The following PCDH9 variants were observed in gnomAD, a reference collection of about 807,000 sequenced individuals.
The protein encoded by PCDH9 is protocadherin 9.
A neutral mutation model predicts 70.6 loss-of-function variants in PCDH9; 24 were observed. The ratio of observed to expected loss-of-function variants is 0.34; its 90% CI spans 0.25 to 0.48. The LOEUF (loss-of-function observed/expected upper bound fraction) is 0.48, where lower values mean the gene tolerates loss of function less well. Ranked by LOEUF, PCDH9 falls within the 20% of genes least tolerant of loss-of-function variation. The probability of loss-of-function intolerance (pLI) is 0.99; values close to 1 mark genes in which losing one functional copy is unlikely to be tolerated. For synonymous variants in PCDH9, 562 were observed against 558.5 expected, an observed-to-expected ratio of 1.01 and a Z score of -0.09; for missense variants, 1,281 against 1,503.6, an observed-to-expected ratio of 0.85 and a Z score of 2.45.
intron 3 of PCDH9, among the ~76,000 whole-genome samples, chr13:66,674,379 C>A (rs1011272912): frequency 6.6e-6 from 1 of 151,942 alleles, no homozygotes; most frequent in African/African-American, 2.4e-5. Context: ...ATATTGCTAG[C>A]ATTTATGCAC....
intron 2 of PCDH9, among the ~76,000 whole-genome samples, chr13:66,941,808 T>C: frequency 6.6e-6 from 1 of 151,848 alleles, no homozygotes; most frequent in East Asian, 1.9e-4. Flanking sequence ...TTTAGCAACA[T>C]AATCAACTAA....
chr13:67,132,439 G>A (rs2087130974), intron 2 of PCDH9, among the ~76,000 whole-genome samples: 1 of 152,016 alleles, frequency 6.6e-6, no homozygotes, highest in Non-Finnish European at 1.5e-5. Flanking sequence ...AATTTCTTAG[G>A]TGAGTTCACT....
At chr13:66,689,239 G>A (rs1313624269) in intron 3 of PCDH9, among the ~76,000 whole-genome samples, 1 of 152,074 alleles carries the variant, frequency 6.6e-6, no homozygotes, top group African/African-American at 2.4e-5. Flanking sequence ...CAGCCCTCTA[G>A]TGTTCCAAAA....
intron 4 of PCDH9, among the ~76,000 whole-genome samples, chr13:66,510,507 C>T (rs1959417547): frequency 6.6e-6 from 1 of 152,102 alleles, no homozygotes; most frequent in Non-Finnish European, 1.5e-5. Flanking sequence ...CTATCTGTCC[C>T]TCCTCTCCCC....
chr13:66,608,568 A>G (rs1270707639), intron 4 of PCDH9, among the ~76,000 whole-genome samples: 1 of 151,924 alleles, frequency 6.6e-6, no homozygotes, highest in African/African-American at 2.4e-5. Context: ...CAAACCTCCA[A>G]TTCCCCAAAC....
intron 4 of PCDH9, among the ~76,000 whole-genome samples, chr13:66,600,777 T>C (rs1487937016): frequency 7.0e-6 from 1 of 143,774 alleles, no homozygotes; most frequent in Admixed American, 7.1e-5. Flanking sequence ...TGTGTGTGTG[T>C]GTGTGTGTGT....
chr13:66,898,126 G>C (rs890780663), intron 3 of PCDH9, among the ~76,000 whole-genome samples: 4 of 151,928 alleles, frequency 2.6e-5, no homozygotes, highest in Non-Finnish European at 5.9e-5. Flanking sequence ...TGTTATATAT[G>C]CAATGTTTCA....
At position 66,316,804 on chromosome 13, in the gene PCDH9, C is replaced by T. The variant is rs549078784; in HGVS notation, c.3341-11776G>A. Reference sequence around the variant, plus strand: ...ATGGCGTGATCTTGGCTCACTGCAACCTCCACCTCCTGGGTTCAAGCAATT... The same window carrying T: ...ATGGCGTGATCTTGGCTCACTGCAATCTCCACCTCCTGGGTTCAAGCAATT... On this transcript the variant is annotated intron_variant, in intron 4 of 4. Transcript: ENST00000377865. Among the ~76,000 whole-genome samples, 4 of 152,234 alleles carry T rather than the reference C, an allele frequency of 2.6e-5. No individual in the cohort carries two copies. In the East Asian group the frequency reaches 7.7e-4, roughly 29 times the overall value.
chr13:67,025,418 T>C (rs886320867), intron 2 of PCDH9, among the ~76,000 whole-genome samples: 7 of 152,100 alleles, frequency 4.6e-5, no homozygotes, highest in African/African-American at 1.4e-4. Context: ...CCTAACGCAA[T>C]TGAGAAAGTC....
intron 2 of PCDH9, among the ~76,000 whole-genome samples, chr13:67,123,765 T>C (rs893371212): frequency 1.3e-5 from 2 of 151,972 alleles, no homozygotes; most frequent in Admixed American, 1.3e-4. Flanking sequence ...AAAAAGAAAT[T>C]AAAAGTTTCC....
chr13:66,635,807 T>A (rs1274458406), intron 3 of PCDH9, among the ~76,000 whole-genome samples: 1 of 152,160 alleles, frequency 6.6e-6, no homozygotes, highest in Admixed American at 6.5e-5. Context: ...TTTACAGACA[T>A]TCCTATGTGC....
chr13:66,514,248 T>G (rs1959624529), intron 4 of PCDH9, among the ~76,000 whole-genome samples: 1 of 152,096 alleles, frequency 6.6e-6, no homozygotes, highest in African/African-American at 2.4e-5. Context: ...GCCTGGCATA[T>G]CCCAAGTCCC....
chr13:66,802,396 T>C (rs1344354870), intron 3 of PCDH9, among the ~76,000 whole-genome samples: 1 of 152,068 alleles, frequency 6.6e-6, no homozygotes, highest in African/African-American at 2.4e-5. Flanking sequence ...TATGCATATT[T>C]TTTCATAAAA....
chr13:66,451,236 G>T (rs1023170866), intron 4 of PCDH9, among the ~76,000 whole-genome samples: 7 of 151,982 alleles, frequency 4.6e-5, no homozygotes, highest in Admixed American at 4.6e-4. Context: ...ATGAATGAAA[G>T]GAATACTTTA....
At chr13:67,045,458 A>C (rs1234462975) in intron 2 of PCDH9, among the ~76,000 whole-genome samples, 9 of 152,036 alleles carry the variant, frequency 5.9e-5, no homozygotes, top group Admixed American at 5.9e-4. Flanking sequence ...GAAGTCACTC[A>C]ACAACTTTGT....
chr13:67,116,973 A>G (rs1217510953), intron 2 of PCDH9, among the ~76,000 whole-genome samples: 1 of 152,214 alleles, frequency 6.6e-6, no homozygotes, highest in Non-Finnish European at 1.5e-5. Flanking sequence ...TATATAATCA[A>G]ACTTTTACAT....
chr13:66,703,729 C>CT (rs1047303017), intron 3 of PCDH9, among the ~76,000 whole-genome samples: 5 of 150,896 alleles, frequency 3.3e-5, no homozygotes, highest in African/African-American at 1.2e-4. Flanking sequence ...ACCCCCGTCT[C>CT]TAAAAAAAAA....
intron 4 of PCDH9, among the ~76,000 whole-genome samples, chr13:66,536,823 G>C (rs1439829532): frequency 2.3e-5 from 1 of 42,908 alleles, no homozygotes; most frequent in Non-Finnish European, 5.6e-5. Context: ...ATGAGTGGGC[G>C]TTTAAAAGCA....
At chr13:66,485,987 C>T (rs1360907316) in intron 4 of PCDH9, among the ~76,000 whole-genome samples, 1 of 152,110 alleles carries the variant, frequency 6.6e-6, no homozygotes, top group East Asian at 1.9e-4. Context: ...CTTGGCCTCT[C>T]AAAGTGTTGG....
Sources: gnomAD v4.1 joint callset for allele counts (sites outside exome capture counted in the v4.1 genomes callset) on GRCh38, gnomAD v4.1.1 for gene constraint, MANE v1.5 for transcripts, NCBI Gene and HGNC (gene_info 2026-07-23, HGNC 2026-07-21) for gene names.